The following APLF variants were observed in gnomAD, a reference collection of about 807,000 sequenced individuals.
APLF encodes aprataxin and PNK-like factor.
APLF carries 61 observed loss-of-function variants against 55.6 expected under a neutral mutation model. The observed-to-expected ratio is 1.10, with a 90% CI of 0.89 to 1.36. The LOEUF (loss-of-function observed/expected upper bound fraction) is 1.36, where lower values mean the gene tolerates loss of function less well. Among genes scored for constraint, APLF ranks in the 40% most tolerant of loss-of-function variants. The pLI, the probability that APLF is intolerant of heterozygous loss-of-function variation, is 0.00. For synonymous variants in APLF, 207 were observed against 214.8 expected (o/e 0.96, Z 0.32); for missense variants, 611 against 602.5 (o/e 1.01, Z -0.15).
chr2:68,541,951 A>G (rs1484900380), intron 7 of APLF, among the ~76,000 whole-genome samples: 3 of 152,180 alleles, frequency 2.0e-5, no homozygotes, highest in Admixed American at 6.5e-5. Flanking sequence ...CATATAGACA[A>G]ATGGAATAGA....
rs758426629 is a variant in APLF, at chr2:68,526,127, A to G, written c.689A>G (p.Gln230Arg). The change falls in exon 6 of 10, where the codon CAG becomes CGG. Residue 230 changes from glutamine to arginine, a missense_variant. Transcript: ENST00000303795. ...CKDKSQLNTT[Q>R]QGRRQLISSG... is the part of the protein sequence containing the mutation. ...GATAAATCCCAGCTAAACACAACCC[A>G]GCAAGGAAGAAGGCAATTAATTTCA... 4 of 1,613,954 alleles carry G rather than the reference A, an allele frequency of 2.5e-6. No homozygotes were observed. In the Admixed American group the frequency reaches 6.7e-5, roughly 27 times the overall value.
chr2:68,537,739 A>T, intron 6 of APLF, 133 bp from the exon 7 acceptor site: 1 of 690,668 alleles, frequency 1.4e-6, no homozygotes, highest in Non-Finnish European at 2.3e-6. Flanking sequence ...AGTGGCATTT[A>T]AGAACTTTAA....
Position 68,578,323 on chromosome 2 carries a change from C to T in APLF, c.*301C>T. The T allele has an allele frequency of 2.8e-6, 3 of 1,056,762 alleles. No individual in the cohort carries two copies. Among genetic ancestry groups the T allele is most frequent in the African/African-American group, 1.7e-5 (1 of 58,914 alleles). The allele number at this position is 1,056,762 out of a possible 1,614,324, so 65.5% of individuals were successfully genotyped here. A position where few individuals can be genotyped will look rare whatever the true frequency, so the allele number is the denominator to read the frequency against. ...GTATATTGGTAATAAAAAGTAAAAG[C>T]CATAGGTTGCATAAAACTTTGGTCT... On this transcript the variant is annotated 3_prime_UTR_variant, in exon 10 of 10. Transcript: ENST00000303795.
chr2:68,516,263 A>G (rs1573202606), intron 5 of APLF, among the ~76,000 whole-genome samples: 2 of 150,666 alleles, frequency 1.3e-5, no homozygotes, highest in Non-Finnish European at 3.0e-5. Context: ...GCCTAAATTT[A>G]CTCTTTATAT....
At position 68,568,533 on chromosome 2, in the gene APLF, G is replaced by A. The variant is rs189725186; in HGVS notation, c.1333+1146G>A. Among the ~76,000 whole-genome samples the A allele has an allele frequency of 5.5e-3, 836 of 152,156 alleles. 4 individuals carry two copies. The highest frequency in any genetic ancestry group is 0.019 in the African/African-American group (799 of 41,546). ...TACTGTGGTCATATCTCATGGTGTGGCAGTTATGGTAGTTTAATAAAGTCT... is the reference window on the plus strand; with the variant it reads ...TACTGTGGTCATATCTCATGGTGTGACAGTTATGGTAGTTTAATAAAGTCT... On this transcript the variant is annotated intron_variant, in intron 9 of 9. Transcript: ENST00000303795.
intron 8 of APLF, among the ~76,000 whole-genome samples, chr2:68,561,504 A>G (rs1048587683): frequency 2.0e-5 from 3 of 152,110 alleles, no homozygotes; most frequent in Middle Eastern, 3.2e-3. Context: ...TGAGTGATTG[A>G]TTGACTAGAG....
At chr2:68,486,645 A>G (rs1472811798) in intron 1 of APLF, among the ~76,000 whole-genome samples, 1 of 152,186 alleles carries the variant, frequency 6.6e-6, no homozygotes, top group Non-Finnish European at 1.5e-5. Flanking sequence ...TAAAGTTTTT[A>G]GTAATCTCCA....
intron 3 of APLF, among the ~76,000 whole-genome samples, chr2:68,512,103 A>G (rs1426963432): frequency 2.0e-5 from 3 of 151,742 alleles, no homozygotes; most frequent in Non-Finnish European, 4.4e-5. Flanking sequence ...GTGCAATTCA[A>G]TGCACTAAAA....
Position 68,493,643 on chromosome 2 carries a change from A to G in APLF, c.168+3382A>G, listed in dbSNP as rs1467913640. 3.3e-5 allele frequency among the ~76,000 whole-genome samples: 5 copies of G among 152,342 alleles called. No homozygotes were observed. In the East Asian group the frequency reaches 5.8e-4, roughly 18 times the overall value. On this transcript the variant is annotated intron_variant, in intron 2 of 9. Coordinates refer to ENST00000303795, the MANE Select transcript of APLF (RefSeq NM_173545.3). ...GCCATTCATGCATTGACATAAAGAA[A>G]TACCTGAGACTGGGTAATTTATAAA...
At chr2:68,537,388 A>C (rs1428097587) in intron 6 of APLF, among the ~76,000 whole-genome samples, 2 of 146,822 alleles carry the variant, frequency 1.4e-5, no homozygotes, top group Non-Finnish European at 3.0e-5. Flanking sequence ...TTTCTTTGAG[A>C]TGGAGTCTTG....
intron 2 of APLF, among the ~76,000 whole-genome samples, chr2:68,496,428 A>G (rs921651440): frequency 1.3e-5 from 2 of 151,950 alleles, no homozygotes; most frequent in African/African-American, 4.8e-5. Flanking sequence ...AGTTGTGCAC[A>G]TATCTCTCTA....
chr2:68,476,009 G>T (rs1250747672), intron 1 of APLF, among the ~76,000 whole-genome samples: 8 of 150,346 alleles, frequency 5.3e-5, no homozygotes, highest in African/African-American at 2.5e-5. Context: ...CATAATACTG[G>T]CTCAAATCCT....
chr2:68,473,873 A>G (rs1675693244), intron 1 of APLF, among the ~76,000 whole-genome samples: 2 of 152,280 alleles, frequency 1.3e-5, no homozygotes, highest in East Asian at 1.9e-4. Context: ...CTCTAATTCA[A>G]TTTAATTCTG....
At chr2:68,563,356 A>T in intron 8 of APLF, 1 of 982,902 alleles carries the variant, frequency 1.0e-6, no homozygotes, top group South Asian at 4.7e-5. Context: ...CACTTCTTTC[A>T]TAGTTATTTG....
chr2:68,484,733 A>G (rs1239875547), intron 1 of APLF, among the ~76,000 whole-genome samples: 1 of 151,714 alleles, frequency 6.6e-6, no homozygotes, highest in Admixed American at 6.6e-5. Flanking sequence ...ACAGTGACTC[A>G]TGCCTGTAAT....
At chr2:68,476,224 GC>G (rs1203092976) in intron 1 of APLF, among the ~76,000 whole-genome samples, 1 of 151,762 alleles carries the variant, frequency 6.6e-6, no homozygotes, top group African/African-American at 2.4e-5. Flanking sequence ...TAGGACTTTC[GC>G]CTGTAATCCC....
intron 2 of APLF, among the ~76,000 whole-genome samples, chr2:68,500,278 C>A (rs1297647032): frequency 6.6e-6 from 1 of 152,142 alleles, no homozygotes; most frequent in African/African-American, 2.4e-5. Context: ...TTGGAATCTC[C>A]TGTATTAACA....
chr2:68,515,245 C>A (rs186266277), intron 5 of APLF, among the ~76,000 whole-genome samples: 1 of 151,478 alleles, frequency 6.6e-6, no homozygotes, highest in African/African-American at 2.4e-5. Context: ...AGTTATTCTA[C>A]TACAGTTGTT....
chr2:68,570,759 T>C (rs1035261145), intron 9 of APLF, among the ~76,000 whole-genome samples: 2 of 152,212 alleles, frequency 1.3e-5, no homozygotes, highest in Non-Finnish European at 2.9e-5. Context: ...AACATATACG[T>C]GTGCATGTGT....
Sources: gnomAD v4.1 joint callset for allele counts (sites outside exome capture counted in the v4.1 genomes callset) on GRCh38, gnomAD v4.1.1 for gene constraint, MANE v1.5 for transcripts, NCBI Gene and HGNC (gene_info 2026-07-23, HGNC 2026-07-21) for gene names.